MYO15A: variants seen among roughly 807,000 people sequenced by gnomAD.
The protein encoded by MYO15A is unconventional myosin-XV.
In MYO15A, 308 loss-of-function variants were observed where a neutral mutation model predicts 394.6. The ratio of observed to expected loss-of-function variants is 0.78; its 90% CI spans 0.71 to 0.86. MYO15A has a LOEUF of 0.86. MYO15A is among the 40% of genes least tolerant of loss of function. The pLI, the probability that MYO15A is intolerant of heterozygous loss-of-function variation, is 0.00. For synonymous variants in MYO15A, 1,957 were observed against 2,003.8 expected (o/e 0.98, Z 0.62); for missense variants, 4,606 against 4,799.1 (o/e 0.96, Z 1.19).
chr17:18,148,634 A>G lies in MYO15A; in HGVS notation c.6764+66A>G, dbSNP rs1275055380. 5.8e-6 allele frequency: 9 copies of G among 1,544,034 alleles called. No individual in the cohort carries two copies. The East Asian group carries it at 2.2e-4, about 38-fold the overall frequency. The stretch of plus-strand genomic sequence containing the variant: ...CTGGAATGTTGTGGGGGGAGGTCAG[A>G]TCCCCCAGAGGGTCCCATAGGGTCC... On this transcript the variant is annotated intron_variant, in intron 32 of 65. Coordinates refer to ENST00000647165, the MANE Select transcript of MYO15A (RefSeq NM_016239.4). The surrounding 1 kb of genome is among the most constrained non-coding windows in gnomAD (Gnocchi z 4.8).
chr17:18,164,221 G>A, intron 60 of MYO15A: 1 of 318,342 alleles, frequency 3.1e-6, no homozygotes, highest in Non-Finnish European at 6.1e-6. Context: ...TGCCTTTCAT[G>A]CCTTAATAAT....
chr17:18,119,253 C>G lies in MYO15A; in HGVS notation c.453C>G (p.Ser151Arg). 2.5e-6 allele frequency: 4 copies of G among 1,612,350 alleles called. No homozygotes were observed. Among genetic ancestry groups the G allele is most frequent in the Non-Finnish European group, 3.4e-6 (4 of 1,179,880 alleles). The change falls in exon 2 of 66, where the codon AGC (serine) becomes AGG (arginine). Residue 151 changes from serine (S) to arginine (R), a missense_variant. By Grantham distance (110) the Ser-to-Arg change is moderately radical (BLOSUM62 -1). Around this residue, in one of 2 missense-constraint regions of MYO15A, gnomAD observed 1,830 missense variants for 1,689.7 expected, o/e 1.08. Transcript: ENST00000647165. ...TCAAGAAGGCCGAGGAGTCGGGCAG[C>G]GAACAGGCCACAGTGGACGCCTGGC... ...FLLKKAEESG[S>R]EQATVDAWLQ...
In MYO15A at chr17:18,148,976, T is replaced by G; in HGVS notation, c.6956+24T>G. On this transcript the variant is annotated intron_variant, in intron 33 of 65. Coordinates refer to ENST00000647165, the MANE Select transcript of MYO15A (RefSeq NM_016239.4). This position sits in a 1 kb window ranked among gnomAD's most constrained non-coding sequence, Gnocchi z 4.8. ...GTGTAGGTAGCTATGGGGGACCCCCTCACAGATGGCCACTCCCAGGCAGAA... is the reference window on the plus strand; with the variant it reads ...GTGTAGGTAGCTATGGGGGACCCCCGCACAGATGGCCACTCCCAGGCAGAA... The G allele has an allele frequency of 6.4e-7, 1 of 1,564,944 alleles. No individual in the cohort carries two copies. Among genetic ancestry groups the G allele is most frequent in the Non-Finnish European group, 8.7e-7 (1 of 1,155,504 alleles).
At chr17:18,133,424 C>G in intron 12 of MYO15A, 38 bp downstream of exon 12, 1 of 1,608,130 alleles carries the variant, frequency 6.2e-7, no homozygotes. Flanking sequence ...GGCCCGCACC[C>G]TCTGGACTTG....
intron 35 of MYO15A, chr17:18,149,893 C>A: frequency 2.4e-6 from 1 of 418,502 alleles, no homozygotes; most frequent in Non-Finnish European, 4.4e-6. Context: ...TCTGAGGCTG[C>A]AGTGAGCTGT....
intron 10 of MYO15A, 109 bp downstream of exon 10, chr17:18,131,640 GAATA>G: frequency 7.8e-7 from 1 of 1,290,268 alleles, no homozygotes; most frequent in Non-Finnish European, 1.1e-6. Context: ...ATTAATGAAC[GAATA>G]CATGCGTACA....
At chr17:18,144,639 C>T in intron 29 of MYO15A, 47 bp downstream of exon 29, 6 of 1,586,008 alleles carry the variant, frequency 3.8e-6, no homozygotes, top group Non-Finnish European at 5.2e-6. Flanking sequence ...GCCCCTGGCC[C>T]TGAAACTGGG....
chr17:18,159,103 T>C, intron 53 of MYO15A, 106 bp downstream of exon 53: 1 of 1,411,272 alleles, frequency 7.1e-7, no homozygotes, highest in Non-Finnish European at 9.8e-7. Flanking sequence ...GACCCTCTGA[T>C]TCTCAGCACC....
chr17:18,120,159 C>T lies in MYO15A; in HGVS notation c.1359C>T (p.Pro453=), dbSNP rs374011803. ...VERQGTSFRL[P]SAAFFEQQGM... is the part of the protein sequence containing the mutation. ...GTCAGGGGACCTCCTTCCGCCTGCC[C>T]AGCGCCGCCTTCTTCGAGCAGCAAG... Residue 453 remains proline (P), a synonymous_variant, in exon 2 of 66, where the codon CCC becomes CCT. Transcript: ENST00000647165. The T allele has an allele frequency of 5.7e-5, 92 of 1,612,940 alleles. No individual in the cohort carries two copies. The African/African-American group carries it at 1.1e-3, about 20-fold the overall frequency.
intron 64 of MYO15A, 191 bp downstream of exon 64, chr17:18,172,481 C>T (rs2046956491): frequency 1.1e-6 from 1 of 885,254 alleles, no homozygotes. Flanking sequence ...AGAGTTGAGC[C>T]CCACCCATAG....
chr17:18,144,462 G>C (rs2046440361), intron 28 of MYO15A, 35 bp from the exon 29 acceptor site: 1 of 1,458,148 alleles, frequency 6.9e-7, no homozygotes, highest in African/African-American at 1.4e-5. Context: ...TGTCAGTCCA[G>C]CTCTGTCTGC....
rs758029934 is a variant in MYO15A at position 18,148,604 on chromosome 17, T to C, written c.6764+36T>C. 14 of 1,550,278 alleles carry C rather than the reference T, an allele frequency of 9.0e-6. No homozygotes were observed. The East Asian group carries it at 1.7e-4, about 19-fold the overall frequency. On this transcript the variant is annotated intron_variant, in intron 32 of 65. Transcript: ENST00000647165. This position sits in a 1 kb window ranked among gnomAD's most constrained non-coding sequence, Gnocchi z 4.8. The stretch of plus-strand genomic sequence containing the variant: ...AGGATGCCCTCCCAGCACACTCTTA[T>C]GTACCTGGAATGTTGTGGGGGGAGG...
rs373960063 is a variant in MYO15A, at chr17:18,174,474, A to AT, written c.10491+553_10491+554insT. Reference sequence around the variant, plus strand: ...TAGTCTCTGCAAAAATAAAAAAAAAAGTGCCTGTAGTCCTAGCTATTCAGG... The same window carrying AT: ...TAGTCTCTGCAAAAATAAAAAAAAAATGTGCCTGTAGTCCTAGCTATTCAGG... On this transcript the variant is annotated intron_variant, in intron 65 of 65. Transcript: ENST00000647165. 1.9e-4 allele frequency among the ~76,000 whole-genome samples: 29 copies of AT among 152,162 alleles called. No individual in the cohort carries two copies. The East Asian group carries it at 4.8e-3, about 25-fold the overall frequency.
At chr17:18,174,121 A>T (rs1386781563) in intron 65 of MYO15A, among the ~76,000 whole-genome samples, 200 bp downstream of exon 65, 1 of 152,216 alleles carries the variant, frequency 6.6e-6, no homozygotes, top group East Asian at 1.9e-4. Flanking sequence ...AACACAGGAA[A>T]GGGCAGTACG....
intron 56 of MYO15A, 172 bp from the exon 57 acceptor site, chr17:18,161,145 C>A: frequency 9.4e-7 from 1 of 1,065,574 alleles, no homozygotes; most frequent in Non-Finnish European, 1.4e-6. Context: ...TATCCCCAAT[C>A]CTGACTTCCC....
At position 18,124,534 on chromosome 17, in the gene MYO15A, G is replaced by T. The variant is rs1195961871; in HGVS notation, c.3661G>T (p.Glu1221Ter). ...PSMRFREQHG[E>*]DGVEDMTQLE... ...CATGCGGTTCCGTGAGCAGCACGGG[G>T]AGGATGGTGTGGAGGACATGACACA... Residue 1221 changes from glutamate (E) to a stop codon, truncating the protein, a stop_gained, in exon 3 of 66, where the codon GAG becomes TAG. Transcript: ENST00000647165. LOFTEE classifies it high-confidence loss of function. The T allele has an allele frequency of 4.3e-6, 7 of 1,613,278 alleles. No homozygotes were observed. The South Asian group carries it at 7.7e-5, about 18-fold the overall frequency.
rs1400927201 is a variant in MYO15A at position 18,118,666 on chromosome 17, G to A, written c.-135G>A. ...GCTCGGCCCTCCCCACGCCACCCAG[G>A]GCCAGTCGGGTCTGCTCACAGCCCG... On this transcript the variant is annotated 5_prime_UTR_variant, in exon 2 of 66. Coordinates refer to ENST00000647165, the MANE Select transcript of MYO15A (RefSeq NM_016239.4). 7.1e-7 allele frequency: 1 copy of A among 1,398,964 alleles called. No homozygotes were observed. Among genetic ancestry groups the A allele is most frequent in the East Asian group, 2.4e-5 (1 of 40,924 alleles). 86.7% of individuals were successfully genotyped at this position (1,398,964 alleles called of 1,614,324 possible).
intron 18 of MYO15A, chr17:18,139,152 G>A: frequency 1.5e-6 from 1 of 686,354 alleles, no homozygotes; most frequent in Admixed American, 2.3e-5. Flanking sequence ...AACTCATGGG[G>A]CAGGTGTGAA....
At position 18,126,373 on chromosome 17, in the gene MYO15A, G is replaced by A. The variant is rs537299404; in HGVS notation, c.3783G>A (p.Ser1261=). 5.2e-5 allele frequency: 84 copies of A among 1,613,974 alleles called. 1 individual carries two copies. The highest frequency in any genetic ancestry group is 2.4e-4 in the South Asian group (22 of 91,074). ...CATACATTGGGAGCATCCTGGTGTC[G>A]GTGAACCCATACCAAATGTTTGGAA... ...IYTYIGSILV[S]VNPYQMFGIY... is the part of the protein sequence containing the mutation. Residue 1261 remains serine (S), a synonymous_variant, in exon 5 of 66, where the codon TCG becomes TCA. Coordinates refer to ENST00000647165, the MANE Select transcript of MYO15A (RefSeq NM_016239.4).
Sources: allele counts gnomAD v4.1 joint callset (sites outside exome capture counted in the v4.1 genomes callset), GRCh38; gene constraint gnomAD v4.1.1; regional missense constraint gnomAD v4.1.1; non-coding constraint Gnocchi (gnomAD v3.1); transcripts MANE v1.5; gene names NCBI Gene and HGNC (gene_info 2026-07-23, HGNC 2026-07-21).